The following PGBD2 variants were observed in gnomAD, a reference collection of about 807,000 sequenced individuals.
The protein encoded by PGBD2 is piggyBac transposable element-derived protein 2.
Under a neutral mutation model 8.1 loss-of-function variants are expected in PGBD2, and 6 were observed. The ratio of observed to expected loss-of-function variants is 0.74; its 90% CI spans 0.40 to 1.46. The LOEUF (loss-of-function observed/expected upper bound fraction) is 1.46, where lower values mean the gene tolerates loss of function less well. Ranked by LOEUF, PGBD2 falls within the 40% of genes most tolerant of loss-of-function variation. The pLI is 0.02. For synonymous variants in PGBD2, 318 were observed against 272.2 expected, an observed-to-expected ratio of 1.17 and a Z score of -1.66; for missense variants, 802 against 739.0, an observed-to-expected ratio of 1.09 and a Z score of -0.99.
At chr1:248,875,324 A>AAAAAAAAAAAAAAAAAAG in the PGBD2 span, among the ~76,000 whole-genome samples, 5 of 149,350 alleles carry the variant, frequency 3.3e-5, no homozygotes, top group African/African-American at 1.3e-4. Context: ...AAAAAAAAAA[A>AAAAAAAAAAAAAAAAAAG]AAAAGAAAAG....
intron 1 of PGBD2, among the ~76,000 whole-genome samples, chr1:248,907,326 G>A (rs1290399436): frequency 6.6e-6 from 1 of 152,230 alleles, no homozygotes; most frequent in Admixed American, 6.5e-5. Context: ...TCCTGCCATA[G>A]GGCAGTTTTT....
chr1:248,884,948 A>G, the PGBD2 span, among the ~76,000 whole-genome samples: 2 of 152,104 alleles, frequency 1.3e-5, no homozygotes, highest in South Asian at 4.2e-4. Context: ...TATGATCTCT[A>G]TTTTCAGATG....
chr1:248,923,707 C>T (rs113472879), downstream of PGBD2, among the ~76,000 whole-genome samples: 67 of 152,322 alleles, frequency 4.4e-4, no homozygotes, highest in African/African-American at 1.5e-3. Context: ...TCAATATAAT[C>T]GTATGTGTTA....
At chr1:248,901,280 C>A (rs1406872331), upstream of PGBD2, among the ~76,000 whole-genome samples, 1 of 151,910 alleles carries the variant, frequency 6.6e-6, no homozygotes, top group East Asian at 1.9e-4. Context: ...GTCCTAATAG[C>A]CAAGACAATC....
At chr1:248,874,247 T>A in the PGBD2 span, among the ~76,000 whole-genome samples, 1 of 152,226 alleles carries the variant, frequency 6.6e-6, no homozygotes, top group Non-Finnish European at 1.5e-5. Flanking sequence ...GCATCATGTC[T>A]TCCCTGGTGG....
At chr1:248,928,184 C>G in the PGBD2 span, among the ~76,000 whole-genome samples, 1 of 152,112 alleles carries the variant, frequency 6.6e-6, no homozygotes, top group Non-Finnish European at 1.5e-5. Flanking sequence ...ATTATATCAA[C>G]CTTTCAATTA....
At chr1:248,896,872 G>A in the PGBD2 span, among the ~76,000 whole-genome samples, 4 of 152,222 alleles carry the variant, frequency 2.6e-5, no homozygotes, top group Non-Finnish European at 5.9e-5. Context: ...CAGGGAGGCC[G>A]TGAGGGATTG....
chr1:248,924,487 C>G (rs768824229), downstream of PGBD2, among the ~76,000 whole-genome samples: 2 of 152,112 alleles, frequency 1.3e-5, no homozygotes, highest in African/African-American at 4.8e-5. Context: ...TTTAGAGGCA[C>G]AGACTTCTCA....
the PGBD2 span, among the ~76,000 whole-genome samples, chr1:248,883,298 T>C: frequency 1.3e-5 from 2 of 151,948 alleles, no homozygotes; most frequent in African/African-American, 4.8e-5. Flanking sequence ...TAATTTTGTA[T>C]TTTTAGTAGA....
chr1:248,911,674 C>T (rs1661887031), intron 1 of PGBD2, among the ~76,000 whole-genome samples: 1 of 149,306 alleles, frequency 6.7e-6, no homozygotes, highest in Non-Finnish European at 1.5e-5. Context: ...AGAGGGGCTC[C>T]TCACTTCCCA....
intron 2 of PGBD2, 74 bp downstream of exon 2, chr1:248,913,953 A>G: frequency 7.7e-7 from 1 of 1,292,100 alleles, no homozygotes; most frequent in Non-Finnish European, 1.1e-6. Context: ...CAGGTCCATG[A>G]CATTTTTAGC....
At chr1:248,900,912 T>C in the PGBD2 span, among the ~76,000 whole-genome samples, 1 of 152,152 alleles carries the variant, frequency 6.6e-6, no homozygotes, top group Non-Finnish European at 1.5e-5. Flanking sequence ...ACAAAGTCAG[T>C]GTATGAAAAT....
chr1:248,917,030 T>C lies in PGBD2; in HGVS notation c.446T>C (p.Phe149Ser), dbSNP rs781362402. The change falls in exon 3 of 3, where the codon TTT (phenylalanine) becomes TCT (serine). Residue 149 changes from phenylalanine to serine, a missense_variant. Physicochemically the swap from Phe to Ser is radical, Grantham distance 155. Coordinates refer to ENST00000329291, the MANE Select transcript of PGBD2 (RefSeq NM_170725.3). ...LSPVGLFELFFDEGTINFIVN... is the reference protein window; with the variant it reads ...LSPVGLFELFSDEGTINFIVN... ...CCCGTGGGCCTTTTTGAGTTGTTTT[T>C]TGATGAAGGAACAATTAATTTCATT... 1.2e-6 allele frequency: 2 copies of C among 1,613,834 alleles called. No homozygotes were observed. The highest frequency in any genetic ancestry group is 1.7e-5 in the Admixed American group (1 of 59,932).
At chr1:248,913,954 C>G in intron 2 of PGBD2, 75 bp downstream of exon 2, 1 of 1,252,356 alleles carries the variant, frequency 8.0e-7, no homozygotes, top group Non-Finnish European at 1.2e-6. Flanking sequence ...AGGTCCATGA[C>G]ATTTTTAGCT....
downstream of PGBD2, among the ~76,000 whole-genome samples, chr1:248,921,731 G>A (rs112504203): frequency 0.019 from 2,838 of 152,232 alleles, 58 homozygotes; most frequent in African/African-American, 0.049. Flanking sequence ...TGGGCAGTGT[G>A]GCCATTTTCA....
downstream of PGBD2, among the ~76,000 whole-genome samples, chr1:248,924,592 A>G (rs1662347950): frequency 6.6e-6 from 1 of 152,250 alleles, no homozygotes; most frequent in Non-Finnish European, 1.5e-5. Flanking sequence ...TTTTGGTTTG[A>G]AATGTTTGTG....
At chr1:248,889,318 G>A in the PGBD2 span, among the ~76,000 whole-genome samples, 112 of 151,938 alleles carry the variant, frequency 7.4e-4, no homozygotes, top group African/African-American at 2.5e-3. Flanking sequence ...CTGGGAGGCA[G>A]AGATTGCAGT....
At chr1:248,922,197 C>A (rs1185260247), downstream of PGBD2, among the ~76,000 whole-genome samples, 1 of 151,804 alleles carries the variant, frequency 6.6e-6, no homozygotes, top group Non-Finnish European at 1.5e-5. Context: ...GTAGCTGGGA[C>A]CACAGGCGCC....
the PGBD2 span, among the ~76,000 whole-genome samples, chr1:248,897,088 A>G: frequency 6.6e-6 from 1 of 152,184 alleles, no homozygotes; most frequent in Non-Finnish European, 1.5e-5. Flanking sequence ...AAAGAAATCA[A>G]AGTACTTTAT....
Sources: gnomAD v4.1 joint callset for allele counts (sites outside exome capture counted in the v4.1 genomes callset) on GRCh38, gnomAD v4.1.1 for gene constraint, MANE v1.5 for transcripts, NCBI Gene and HGNC (gene_info 2026-07-23, HGNC 2026-07-21) for gene names.